Variants in KLF12 observed in about 807,000 individuals in gnomAD.
KLF12 encodes Krueppel-like factor 12.
In KLF12, 9 loss-of-function variants were observed where a neutral mutation model predicts 37.8. The observed-to-expected ratio is 0.24, with a 90% confidence interval of 0.14 to 0.42. The LOEUF is 0.42. Among genes scored for constraint, KLF12 ranks in the 10% least tolerant of loss-of-function variants. KLF12 has a pLI of 1.00. For synonymous variants in KLF12, 208 were observed against 202.1 expected, an observed-to-expected ratio of 1.03 and a Z score of -0.25; for missense variants, 411 against 516.0, an observed-to-expected ratio of 0.80 and a Z score of 1.97.
intron 3 of KLF12, among the ~76,000 whole-genome samples, chr13:73,866,391 T>G (rs1275466913): frequency 6.6e-6 from 1 of 152,064 alleles, no homozygotes. Flanking sequence ...TGGCCAGATA[T>G]TTTCTGAAAG....
intron 6 of KLF12, among the ~76,000 whole-genome samples, chr13:73,747,815 G>A (rs1408910587): frequency 6.6e-6 from 1 of 152,000 alleles, no homozygotes; most frequent in South Asian, 2.1e-4. Context: ...TATGAAAATA[G>A]GCAGTCTGAT....
chr13:73,830,067 T>C lies in KLF12; in HGVS notation c.670+15760A>G, dbSNP rs150339199. ...TGGCCAAGACAGGCAAGAAATGTGC[T>C]TGTTAATAGTTGCATTAGTTGCAAG... On this transcript the variant is annotated intron_variant, in intron 4 of 7. Coordinates refer to ENST00000377669, the MANE Select transcript of KLF12 (RefSeq NM_007249.5). 4.9e-4 allele frequency among the ~76,000 whole-genome samples: 74 copies of C among 152,336 alleles called. No individual in the cohort carries two copies. The East Asian group carries it at 0.013, about 26-fold the overall frequency.
intron 1 of KLF12, among the ~76,000 whole-genome samples, chr13:74,133,691 AAGAG>A (rs1006347777): frequency 1.3e-5 from 2 of 151,614 alleles, no homozygotes; most frequent in East Asian, 1.9e-4. Flanking sequence ...AAAAAAAAAA[AAGAG>A]GAGGGGGTTG....
chr13:73,822,949 C>T (rs950962599), intron 4 of KLF12, among the ~76,000 whole-genome samples: 3 of 152,170 alleles, frequency 2.0e-5, no homozygotes, highest in Middle Eastern at 3.4e-3. Context: ...CAGCTCAAAC[C>T]GATTTATTCA....
intron 2 of KLF12, among the ~76,000 whole-genome samples, chr13:73,975,888 C>T (rs556161862): frequency 6.6e-6 from 1 of 152,130 alleles, no homozygotes; most frequent in African/African-American, 2.4e-5. Context: ...GAACCCCAAC[C>T]CCAACCAAAT....
intron 5 of KLF12, among the ~76,000 whole-genome samples, chr13:73,803,248 T>A (rs996185392): frequency 6.6e-6 from 1 of 152,212 alleles, no homozygotes; most frequent in Admixed American, 6.5e-5. Flanking sequence ...TTCTGTAAGT[T>A]TTAAGGAATT....
At chr13:74,100,801 G>A (rs1054970260) in intron 1 of KLF12, among the ~76,000 whole-genome samples, 1 of 152,128 alleles carries the variant, frequency 6.6e-6, no homozygotes, top group African/African-American at 2.4e-5. Flanking sequence ...GCTAAGCACT[G>A]TGAATTAAGG....
intron 1 of KLF12, among the ~76,000 whole-genome samples, chr13:74,084,574 G>C (rs969413463): frequency 2.0e-5 from 3 of 152,136 alleles, no homozygotes; most frequent in Non-Finnish European, 4.4e-5. Flanking sequence ...GGGAACACTG[G>C]CTTCTGCATG....
At chr13:74,219,150 T>C in the KLF12 span, among the ~76,000 whole-genome samples, 1 of 152,070 alleles carries the variant, frequency 6.6e-6, no homozygotes, top group African/African-American at 2.4e-5. Context: ...GAGACAAGGT[T>C]TCACCACATT....
chr13:74,188,739 T>C, the KLF12 span, among the ~76,000 whole-genome samples: 1 of 152,200 alleles, frequency 6.6e-6, no homozygotes, highest in African/African-American at 2.4e-5. Context: ...CTCACACCTG[T>C]AATCTCAGCA....
At chr13:74,182,523 A>G in the KLF12 span, among the ~76,000 whole-genome samples, 1 of 152,038 alleles carries the variant, frequency 6.6e-6, no homozygotes, top group Non-Finnish European at 1.5e-5. Flanking sequence ...CCTTTCTGTC[A>G]CCTCTGCAGA....
chr13:73,976,162 T>TTTC (rs1891516864), intron 2 of KLF12, among the ~76,000 whole-genome samples: 1 of 150,662 alleles, frequency 6.6e-6, no homozygotes, highest in African/African-American at 2.4e-5. Context: ...GTTTTTTTTT[T>TTTC]CCCCCCACAG....
chr13:74,119,374 T>C (rs1002692902), intron 1 of KLF12, among the ~76,000 whole-genome samples: 1 of 148,868 alleles, frequency 6.7e-6, no homozygotes, highest in Non-Finnish European at 1.5e-5. Flanking sequence ...AGCAAGAAAC[T>C]ACCCACTGTC....
chr13:74,246,352 C>T, the KLF12 span, among the ~76,000 whole-genome samples: 1 of 152,172 alleles, frequency 6.6e-6, no homozygotes. Flanking sequence ...CCATTTTCTA[C>T]CCTACTTTTC....
At chr13:73,986,284 A>C (rs1891826595) in intron 2 of KLF12, among the ~76,000 whole-genome samples, 1 of 152,218 alleles carries the variant, frequency 6.6e-6, no homozygotes, top group Non-Finnish European at 1.5e-5. Context: ...GATTTTTTAT[A>C]ATGGGAAATT....
intron 6 of KLF12, among the ~76,000 whole-genome samples, chr13:73,739,004 G>T (rs1877743113): frequency 6.6e-6 from 1 of 152,136 alleles, no homozygotes; most frequent in South Asian, 2.1e-4. Flanking sequence ...GAAGGCCGAG[G>T]TGGGTGGATC....
intron 2 of KLF12, among the ~76,000 whole-genome samples, chr13:73,974,113 G>C (rs1238260441): frequency 6.6e-6 from 1 of 151,940 alleles, no homozygotes; most frequent in African/African-American, 2.4e-5. Flanking sequence ...AAAGATAAGA[G>C]GCACAAAGAA....
chr13:74,199,275 C>A, the KLF12 span, among the ~76,000 whole-genome samples: 2 of 152,168 alleles, frequency 1.3e-5, no homozygotes, highest in Non-Finnish European at 2.9e-5. Flanking sequence ...AGTGAAAGGA[C>A]TAACGATTTA....
intron 2 of KLF12, among the ~76,000 whole-genome samples, chr13:73,946,500 A>G (rs1239259810): frequency 6.6e-6 from 1 of 152,186 alleles, no homozygotes; most frequent in African/African-American, 2.4e-5. Flanking sequence ...TATATTCATG[A>G]TGGTTTTTCT....
Sources: gnomAD v4.1 joint callset for allele counts (sites outside exome capture counted in the v4.1 genomes callset) on GRCh38, gnomAD v4.1.1 for gene constraint, MANE v1.5 for transcripts, NCBI Gene and HGNC (gene_info 2026-07-23, HGNC 2026-07-21) for gene names.